Variants in GRIP1 observed in about 807,000 individuals in gnomAD.
The protein encoded by GRIP1 is glutamate receptor-interacting protein 1.
Under a neutral mutation model 129.9 loss-of-function variants are expected in GRIP1, and 45 were observed. That is an observed-to-expected ratio of 0.35 (90% CI 0.27 to 0.44). The LOEUF (loss-of-function observed/expected upper bound fraction) is 0.44. GRIP1 is among the 20% of genes least tolerant of loss of function. The pLI, the probability that GRIP1 is intolerant of heterozygous loss-of-function variation, is 1.00. For missense variants in GRIP1, 1,196 were observed against 1,396.8 expected (o/e 0.86, Z 2.29); for synonymous variants, 530 against 520.8 (o/e 1.02, Z -0.24).
intron 1 of GRIP1, among the ~76,000 whole-genome samples, chr12:66,611,801 C>T (rs1351514593): frequency 0.045 from 6 of 134 alleles, no homozygotes; most frequent in Non-Finnish European, 0.083. Flanking sequence ...TTTTCTTCTA[C>T]GGTTTATACA....
intron 11 of GRIP1, 86 bp downstream of exon 11, chr12:66,455,323 C>T: frequency 8.0e-7 from 1 of 1,244,930 alleles, no homozygotes; most frequent in African/African-American, 1.5e-5. Flanking sequence ...CTGTGAAACA[C>T]TCTTCCCACA....
intron 2 of GRIP1, among the ~76,000 whole-genome samples, chr12:66,590,455 T>C (rs951935897): frequency 6.6e-6 from 1 of 152,188 alleles, no homozygotes; most frequent in Non-Finnish European, 1.5e-5. Flanking sequence ...GCACTCAGTA[T>C]GTACTCCCAG....
intron 1 of GRIP1, among the ~76,000 whole-genome samples, chr12:66,619,635 C>T (rs943030057): frequency 6.6e-6 from 1 of 151,982 alleles, no homozygotes; most frequent in African/African-American, 2.4e-5. Context: ...TACACAATGG[C>T]CAATTTATTA....
intron 7 of GRIP1, among the ~76,000 whole-genome samples, chr12:66,494,249 T>G (rs540233258): frequency 1.3e-3 from 193 of 152,312 alleles, no homozygotes; most frequent in Middle Eastern, 6.8e-3. Context: ...CTATTATATT[T>G]TAAATAATAA....
At chr12:66,929,779 C>A (rs962568149) in intron 1 of GRIP1, among the ~76,000 whole-genome samples, 8 of 152,162 alleles carry the variant, frequency 5.3e-5, no homozygotes, top group Non-Finnish European at 8.8e-5. Context: ...CATTTGCATT[C>A]CTACATCCTG....
chr12:66,992,045 T>G (rs903100968), intron 1 of GRIP1, among the ~76,000 whole-genome samples: 1 of 152,234 alleles, frequency 6.6e-6, no homozygotes, highest in Non-Finnish European at 1.5e-5. Flanking sequence ...TTTCCAAGAA[T>G]GTTCTGGGTA....
chr12:66,459,979 T>C (rs1191688953), intron 9 of GRIP1, among the ~76,000 whole-genome samples: 1 of 152,244 alleles, frequency 6.6e-6, no homozygotes, highest in East Asian at 1.9e-4. Context: ...TTACTTATTA[T>C]ATACTAGGCA....
At chr12:66,778,458 T>C (rs562004678) in intron 1 of GRIP1, among the ~76,000 whole-genome samples, 2 of 152,166 alleles carry the variant, frequency 1.3e-5, no homozygotes, top group Admixed American at 6.5e-5. Flanking sequence ...TAAATGCATA[T>C]AAGATACTTG....
At chr12:66,354,534 T>A (rs991474634) in intron 23 of GRIP1, among the ~76,000 whole-genome samples, 1 of 152,168 alleles carries the variant, frequency 6.6e-6, no homozygotes, top group African/African-American at 2.4e-5. Context: ...GATGCTCAGT[T>A]AACGTTTGAG....
At chr12:66,947,409 A>G (rs138329948) in intron 1 of GRIP1, among the ~76,000 whole-genome samples, 161 of 152,360 alleles carry the variant, frequency 1.1e-3, no homozygotes, top group African/African-American at 3.8e-3. Context: ...GAAAGTATTT[A>G]GAAGATGATG....
At chr12:66,359,831 TCAAAC>T (rs1216852328) in intron 23 of GRIP1, among the ~76,000 whole-genome samples, 2 of 152,210 alleles carry the variant, frequency 1.3e-5, no homozygotes, top group Non-Finnish European at 2.9e-5. Flanking sequence ...GGGGCTGTTC[TCAAAC>T]CAGTAGCAAT....
At chr12:66,464,011 C>T (rs1009908638) in intron 8 of GRIP1, among the ~76,000 whole-genome samples, 2 of 152,144 alleles carry the variant, frequency 1.3e-5, no homozygotes, top group African/African-American at 4.8e-5. Context: ...AGACTGACCA[C>T]TACGGGGGGT....
chr12:66,687,782 G>C (rs116385893), intron 1 of GRIP1, among the ~76,000 whole-genome samples: 54 of 152,230 alleles, frequency 3.5e-4, no homozygotes, highest in African/African-American at 1.3e-3. Context: ...GCATGGAGCT[G>C]GCACTCCCCT....
intron 1 of GRIP1, among the ~76,000 whole-genome samples, chr12:66,660,135 T>C (rs979153435): frequency 3.9e-5 from 6 of 152,210 alleles, no homozygotes; most frequent in African/African-American, 1.2e-4. Flanking sequence ...TCTTGTGAAC[T>C]GTTAGCTGTC....
chr12:66,526,352 C>CAGAGCCCTCAGCA, intron 5 of GRIP1, among the ~76,000 whole-genome samples: 1 of 152,162 alleles, frequency 6.6e-6, no homozygotes, highest in African/African-American at 2.4e-5. Flanking sequence ...TGGAACAGAA[C>CAGAGCCCTCAGCA]AGAGCCCTCA....
intron 1 of GRIP1, among the ~76,000 whole-genome samples, chr12:66,719,300 T>C (rs1348129658): frequency 6.6e-6 from 1 of 152,108 alleles, no homozygotes; most frequent in Non-Finnish European, 1.5e-5. Flanking sequence ...TTTTGCACAA[T>C]GTGAAAAGAA....
chr12:66,375,148 C>T (rs1030237251), intron 22 of GRIP1, among the ~76,000 whole-genome samples: 2 of 152,074 alleles, frequency 1.3e-5, no homozygotes, highest in Admixed American at 1.3e-4. Context: ...TTATTGAATA[C>T]TTAAGTGCCA....
At chr12:66,511,611 C>G (rs1301946542) in intron 7 of GRIP1, among the ~76,000 whole-genome samples, 2 of 152,102 alleles carry the variant, frequency 1.3e-5, no homozygotes, top group Non-Finnish European at 1.5e-5. Flanking sequence ...GTATAGTGAT[C>G]AGCATTTGCC....
chr12:66,759,940 C>T lies in GRIP1; in HGVS notation c.-420+44113G>A, dbSNP rs559414296. Among the ~76,000 whole-genome samples, 44 of 151,966 alleles carry T rather than the reference C, an allele frequency of 2.9e-4. 1 individual carries two copies. In the East Asian group the frequency reaches 5.4e-3, roughly 19 times the overall value. On this transcript the variant is annotated intron_variant, in intron 1 of 4. Transcript: ENST00000538373. ...TGCAATCTCGGCTCACTGCAAGCTC[C>T]GCCTTCCGGGTTCACGCCATTCTCC...
Sources: gnomAD v4.1 joint callset for allele counts (sites outside exome capture counted in the v4.1 genomes callset) on GRCh38, gnomAD v4.1.1 for gene constraint, MANE v1.5 for transcripts, NCBI Gene and HGNC (gene_info 2026-07-23, HGNC 2026-07-21) for gene names.